Variants in TENM2 observed in about 807,000 individuals in gnomAD.
TENM2 encodes the protein teneurin transmembrane protein 2, also known as teneurin-2.
In TENM2, 52 loss-of-function variants were observed where a neutral mutation model predicts 245.2. The observed-to-expected ratio is 0.21, with a 90% confidence interval of 0.17 to 0.27. TENM2 has a LOEUF of 0.27. Among genes scored for constraint, TENM2 ranks in the 10% least tolerant of loss-of-function variants. The pLI is 1.00. For missense variants in TENM2, 3,046 were observed against 3,666.8 expected (o/e 0.83, Z 4.37); for synonymous variants, 1,363 against 1,438.9 (o/e 0.95, Z 1.19).
chr5:167,602,631 A>C (rs1308838156), intron 2 of TENM2, among the ~76,000 whole-genome samples: 1 of 152,182 alleles, frequency 6.6e-6, no homozygotes, highest in Non-Finnish European at 1.5e-5. Context: ...AATGCATTTA[A>C]ACTCACATAA....
intron 2 of TENM2, among the ~76,000 whole-genome samples, chr5:167,758,400 A>G (rs376294270): frequency 5.9e-5 from 9 of 152,290 alleles, no homozygotes; most frequent in African/African-American, 2.2e-4. Context: ...CTCAATGGGA[A>G]GAGATCGAAG....
the TENM2 span, among the ~76,000 whole-genome samples, chr5:167,246,907 A>T: frequency 6.6e-6 from 1 of 151,962 alleles, no homozygotes; most frequent in East Asian, 1.9e-4. Flanking sequence ...TCATCCACTT[A>T]CCCGTCTATT....
At chr5:167,257,243 C>G in the TENM2 span, among the ~76,000 whole-genome samples, 1 of 152,124 alleles carries the variant, frequency 6.6e-6, no homozygotes, top group East Asian at 1.9e-4. Flanking sequence ...AGATCATACC[C>G]TATATAATGA....
At chr5:167,473,871 C>G (rs907958696) in intron 2 of TENM2, among the ~76,000 whole-genome samples, 19 of 152,074 alleles carry the variant, frequency 1.2e-4, no homozygotes, top group African/African-American at 4.6e-4. Context: ...GTACCTGTAC[C>G]ATTAGATACT....
At chr5:167,325,232 G>T (rs1757011078) in intron 1 of TENM2, among the ~76,000 whole-genome samples, 1 of 152,158 alleles carries the variant, frequency 6.6e-6, no homozygotes, top group Non-Finnish European at 1.5e-5. Context: ...ATGGCCACTT[G>T]ACATTTTTAA....
chr5:168,260,300 G>C (rs534586794), exon 28 of TENM2: 32 of 1,613,972 alleles, frequency 2.0e-5, no homozygotes, highest in South Asian at 2.0e-4. Flanking sequence ...AAGCTGGCTT[G>C]TGATGTTTGG....
At chr5:168,050,082 C>A (rs1053298544) in intron 6 of TENM2, among the ~76,000 whole-genome samples, 2 of 152,190 alleles carry the variant, frequency 1.3e-5, no homozygotes. Flanking sequence ...GGATTACAGG[C>A]ATGAGCCACT....
At chr5:167,034,648 A>G in the TENM2 span, among the ~76,000 whole-genome samples, 7 of 150,606 alleles carry the variant, frequency 4.6e-5, no homozygotes, top group South Asian at 4.2e-4. Flanking sequence ...AAAAAAAAAA[A>G]AAAAAGAAAA....
the TENM2 span, among the ~76,000 whole-genome samples, chr5:167,095,946 T>A: frequency 6.6e-6 from 1 of 151,974 alleles, no homozygotes; most frequent in Non-Finnish European, 1.5e-5. Flanking sequence ...AATTTTTGTA[T>A]ATTTAAGTAG....
chr5:167,767,522 T>C (rs957911508), intron 2 of TENM2, among the ~76,000 whole-genome samples: 1 of 152,214 alleles, frequency 6.6e-6, no homozygotes, highest in Non-Finnish European at 1.5e-5. Context: ...GCCATTGAAT[T>C]GTACACCTAA....
At chr5:167,021,598 C>T in the TENM2 span, among the ~76,000 whole-genome samples, 2 of 152,138 alleles carry the variant, frequency 1.3e-5, no homozygotes, top group Admixed American at 6.6e-5. Flanking sequence ...CAGATTATAC[C>T]ATATGTTGCT....
At chr5:167,401,354 A>G (rs1762357950) in intron 2 of TENM2, among the ~76,000 whole-genome samples, 1 of 152,120 alleles carries the variant, frequency 6.6e-6, no homozygotes, top group South Asian at 2.1e-4. Flanking sequence ...CAGGGCAAGG[A>G]TGCTTATGGA....
At chr5:168,062,348 C>T in intron 7 of TENM2, 83 bp downstream of exon 9, 2 of 1,033,908 alleles carry the variant, frequency 1.9e-6, no homozygotes, top group Non-Finnish European at 2.9e-6. Context: ...ACTTCACATC[C>T]ACTACAATGC....
intron 4 of TENM2, among the ~76,000 whole-genome samples, chr5:167,976,182 G>C (rs1281739158): frequency 6.6e-6 from 1 of 151,894 alleles, no homozygotes; most frequent in African/African-American, 2.4e-5. Context: ...TGCATCTTGA[G>C]CACCTATGAA....
chr5:167,484,848 G>A (rs764854791), intron 2 of TENM2, among the ~76,000 whole-genome samples: 1 of 152,100 alleles, frequency 6.6e-6, no homozygotes, highest in African/African-American at 2.4e-5. Context: ...CTCCTAAAAT[G>A]CTTAAGATGG....
At chr5:166,998,721 T>A in the TENM2 span, among the ~76,000 whole-genome samples, 1 of 152,190 alleles carries the variant, frequency 6.6e-6, no homozygotes, top group Non-Finnish European at 1.5e-5. Context: ...TGATTCAAGT[T>A]ATTAAATAAA....
intron 5 of TENM2, among the ~76,000 whole-genome samples, chr5:168,030,676 A>G (rs1787064133): frequency 6.6e-6 from 1 of 152,188 alleles, no homozygotes; most frequent in East Asian, 1.9e-4. Flanking sequence ...CACCAGGCAC[A>G]GGGTTGAAGG....
the TENM2 span, among the ~76,000 whole-genome samples, chr5:167,154,565 G>A: frequency 6.6e-6 from 1 of 152,050 alleles, no homozygotes. Flanking sequence ...CTGATAAATC[G>A]AGGACAGATG....
chr5:167,088,582 G>A, the TENM2 span, among the ~76,000 whole-genome samples: 6 of 151,740 alleles, frequency 4.0e-5, no homozygotes, highest in African/African-American at 1.2e-4. Context: ...AGCAGAGATC[G>A]GGCCACTGCA....
Sources: gnomAD v4.1 joint callset for allele counts (sites outside exome capture counted in the v4.1 genomes callset) on GRCh38, gnomAD v4.1.1 for gene constraint, MANE v1.5 for transcripts, NCBI Gene and HGNC (gene_info 2026-07-23, HGNC 2026-07-21) for gene names.